WLS: variants seen among roughly 807,000 people sequenced by gnomAD.
WLS encodes the protein Wnt ligand secretion mediator.
WLS carries 23 observed loss-of-function variants against 62.8 expected under a neutral mutation model. The ratio of observed to expected loss-of-function variants is 0.37; its 90% CI spans 0.26 to 0.52. The LOEUF is 0.52. WLS is among the 20% of genes least tolerant of loss of function. The pLI, the probability that WLS is intolerant of heterozygous loss-of-function variation, is 0.92. For synonymous variants in WLS, 246 were observed against 244.1 expected, an observed-to-expected ratio of 1.01 and a Z score of -0.07; for missense variants, 615 against 697.3, an observed-to-expected ratio of 0.88 and a Z score of 1.33.
In WLS at chr1:68,159,197, C is replaced by G. The variant is rs762774039; in HGVS notation, c.430G>C (p.Ala144Pro). The G allele has an allele frequency of 6.2e-7, 1 of 1,613,930 alleles. No homozygotes were observed. Among genetic ancestry groups the G allele is most frequent in the Non-Finnish European group, 8.5e-7 (1 of 1,180,000 alleles). ...GCCATTTCAGTCCACTCAGCAAACG[C>G]GTCATCACGGTAAGCCAGGGAAACG... ...MDVSLAYRDD[A>P]FAEWTEMAHE... The change falls in exon 3 of 12, where the codon GCG becomes CCG. Residue 144 changes from alanine (A) to proline (P), a missense_variant. By Grantham distance (27) the Ala-to-Pro change is conservative. Coordinates refer to ENST00000262348, the MANE Select transcript of WLS (RefSeq NM_024911.7).
rs1429662541 is a variant in WLS at position 68,232,180 on chromosome 1, C to T, written c.106+14G>A. 4.3e-6 allele frequency: 7 copies of T among 1,613,788 alleles called. No homozygotes were observed. The highest frequency in any genetic ancestry group is 5.9e-6 in the Non-Finnish European group (7 of 1,179,916). On this transcript the variant is annotated intron_variant, in intron 1 of 11. Coordinates refer to ENST00000262348, the MANE Select transcript of WLS (RefSeq NM_024911.7). Reference sequence around the variant, plus strand: ...GACAGAAAGGGGGAAAAGTTTGCAGCTCTCCGCACTTACCAATCAAGCCTC... The same window carrying T: ...GACAGAAAGGGGGAAAAGTTTGCAGTTCTCCGCACTTACCAATCAAGCCTC...
chr1:68,144,443 G>T, intron 10 of WLS, 126 bp downstream of exon 10: 1 of 821,574 alleles, frequency 1.2e-6, no homozygotes, highest in Non-Finnish European at 1.8e-6. Flanking sequence ...GAAAAATATG[G>T]CTTGACCAGC....
rs147477607 is a variant in WLS at position 68,118,600 on chromosome 1, T to G, written c.1510+19180A>C. 3.5e-3 allele frequency among the ~76,000 whole-genome samples: 521 copies of G among 149,552 alleles called. 6 individuals carry two copies. Among genetic ancestry groups the G allele is most frequent in the African/African-American group, 0.012 (502 of 40,622 alleles). ...TTACAATAGCACCTGGCCCGGCTGG[T>G]TGTGGTGGCTCACGCCTGTAATCCC... On this transcript the variant is annotated intron_variant, in intron 11 of 11. Coordinates refer to the WLS transcript ENST00000354777.
chr1:68,190,771 T>C (rs891543375), intron 2 of WLS, among the ~76,000 whole-genome samples: 8 of 152,128 alleles, frequency 5.3e-5, no homozygotes, highest in Non-Finnish European at 8.8e-5. Context: ...GAAATGTTTA[T>C]AGGTGGCCAG....
At chr1:68,205,729 A>G (rs1285243763) in intron 1 of WLS, among the ~76,000 whole-genome samples, 1 of 152,222 alleles carries the variant, frequency 6.6e-6, no homozygotes, top group African/African-American at 2.4e-5. Context: ...TACCTACCAG[A>G]GAAAAAGCAA....
chr1:68,101,453 G>A (rs555494977), intron 11 of WLS, among the ~76,000 whole-genome samples: 5 of 152,210 alleles, frequency 3.3e-5, no homozygotes, highest in East Asian at 3.9e-4. Flanking sequence ...AGAGGGGAAC[G>A]GGAATGTCTG....
At chr1:68,216,276 C>G (rs569384175) in intron 1 of WLS, among the ~76,000 whole-genome samples, 17 of 152,304 alleles carry the variant, frequency 1.1e-4, no homozygotes, top group African/African-American at 4.1e-4. Context: ...AACCATACCA[C>G]AAACAGTTAC....
At chr1:68,136,422 G>A (rs1646611108) in intron 11 of WLS, among the ~76,000 whole-genome samples, 1 of 152,122 alleles carries the variant, frequency 6.6e-6, no homozygotes, top group African/African-American at 2.4e-5. Flanking sequence ...GATCCCCTAG[G>A]CATATTCCTT....
chr1:68,108,593 C>A (rs1216512728), intron 11 of WLS, among the ~76,000 whole-genome samples: 1 of 152,128 alleles, frequency 6.6e-6, no homozygotes, highest in Non-Finnish European at 1.5e-5. Context: ...GTTCACTGGC[C>A]TTAAAGGAAT....
chr1:68,191,008 A>G (rs1648265501), intron 2 of WLS, among the ~76,000 whole-genome samples: 1 of 151,718 alleles, frequency 6.6e-6, no homozygotes, highest in Non-Finnish European at 1.5e-5. Context: ...TGGTGAGCCA[A>G]GATCGTACCA....
chr1:68,152,931 C>A (rs1044990844), intron 5 of WLS, among the ~76,000 whole-genome samples: 1 of 152,084 alleles, frequency 6.6e-6, no homozygotes, highest in East Asian at 1.9e-4. Flanking sequence ...ACAACACAGA[C>A]AAGTATCTGA....
exon 12 of WLS, chr1:68,098,678 G>A: frequency 1.2e-6 from 2 of 1,614,012 alleles, no homozygotes; most frequent in Non-Finnish European, 8.5e-7. Flanking sequence ...ATATTTCGAA[G>A]CGCTGAACAA....
At chr1:68,104,097 G>A (rs1196491057) in intron 11 of WLS, among the ~76,000 whole-genome samples, 2 of 152,054 alleles carry the variant, frequency 1.3e-5, no homozygotes, top group African/African-American at 4.8e-5. Flanking sequence ...CAGGACAGAA[G>A]CAGTAGGGAG....
chr1:68,104,017 C>T (rs776227990), intron 11 of WLS, among the ~76,000 whole-genome samples: 3 of 152,144 alleles, frequency 2.0e-5, no homozygotes, highest in African/African-American at 7.2e-5. Flanking sequence ...ACAGGGCCCA[C>T]ACCCAGCAAG....
At chr1:68,129,843 G>A (rs1296923873) in intron 11 of WLS, among the ~76,000 whole-genome samples, 1 of 152,128 alleles carries the variant, frequency 6.6e-6, no homozygotes, top group Non-Finnish European at 1.5e-5. Flanking sequence ...CTGAAAATGT[G>A]ATATGTGTCT....
chr1:68,173,250 C>A (rs1647181361), intron 2 of WLS, among the ~76,000 whole-genome samples: 1 of 152,196 alleles, frequency 6.6e-6, no homozygotes, highest in Non-Finnish European at 1.5e-5. Context: ...ACAGCACTTT[C>A]CTATTTGACC....
intron 11 of WLS, among the ~76,000 whole-genome samples, chr1:68,103,576 A>G (rs1646106108): frequency 6.6e-6 from 1 of 152,218 alleles, no homozygotes; most frequent in Non-Finnish European, 1.5e-5. Context: ...AGATAAGAGG[A>G]TAAATACTCC....
chr1:68,198,348 A>G (rs527273799), intron 1 of WLS, among the ~76,000 whole-genome samples: 1 of 152,212 alleles, frequency 6.6e-6, no homozygotes, highest in Non-Finnish European at 1.5e-5. Context: ...TTTTTACTTT[A>G]TCAAACATGA....
At chr1:68,101,843 T>C (rs1646083140) in intron 11 of WLS, among the ~76,000 whole-genome samples, 1 of 152,216 alleles carries the variant, frequency 6.6e-6, no homozygotes, top group African/African-American at 2.4e-5. Flanking sequence ...TAAAACTTCA[T>C]AGTTACAGCG....
Sources: gnomAD v4.1 joint callset for allele counts (sites outside exome capture counted in the v4.1 genomes callset) on GRCh38, gnomAD v4.1.1 for gene constraint, MANE v1.5 for transcripts, NCBI Gene and HGNC (gene_info 2026-07-23, HGNC 2026-07-21) for gene names.